LCORL: variants seen among roughly 807,000 people sequenced by gnomAD.
LCORL encodes ligand dependent nuclear receptor corepressor like.
In LCORL, 41 loss-of-function variants were observed where a neutral mutation model predicts 141.8. The observed-to-expected ratio is 0.29, with a 90% CI of 0.23 to 0.38. The LOEUF is 0.38. Ranked by LOEUF, LCORL falls within the 10% of genes least tolerant of loss-of-function variation. The pLI, the probability that LCORL is intolerant of heterozygous loss-of-function variation, is 1.00. For synonymous variants in LCORL, 618 were observed against 694.1 expected (o/e 0.89, Z 1.72); for missense variants, 1,759 against 2,035.0 (o/e 0.86, Z 2.61).
At chr4:17,871,251 AAG>A (rs1726303074) in intron 7 of LCORL, among the ~76,000 whole-genome samples, 1 of 151,956 alleles carries the variant, frequency 6.6e-6, no homozygotes, top group Non-Finnish European at 1.5e-5. Flanking sequence ...ACTAAAAAAA[AAG>A]AATGTTAAAA....
At chr4:17,933,349 T>C (rs1285312575) in intron 4 of LCORL, among the ~76,000 whole-genome samples, 1 of 152,134 alleles carries the variant, frequency 6.6e-6, no homozygotes, top group East Asian at 1.9e-4. Context: ...AGCACTGTTC[T>C]AGCAACAACT....
chr4:17,993,039 G>A (rs1247214897), intron 1 of LCORL, among the ~76,000 whole-genome samples: 3 of 152,002 alleles, frequency 2.0e-5, no homozygotes, highest in Non-Finnish European at 4.4e-5. Context: ...AACAAGGAAC[G>A]GCACATTACA....
intron 4 of LCORL, among the ~76,000 whole-genome samples, chr4:17,920,040 A>T (rs1734045335): frequency 6.6e-6 from 1 of 152,230 alleles, no homozygotes; most frequent in South Asian, 2.1e-4. Context: ...GCATCTCTTC[A>T]TCGGTATCCT....
chr4:17,855,821 A>G (rs138554453), intron 7 of LCORL, among the ~76,000 whole-genome samples: 2 of 152,304 alleles, frequency 1.3e-5, no homozygotes, highest in Non-Finnish European at 2.9e-5. Context: ...CCACAGACTC[A>G]TGAATGAAAT....
chr4:17,919,325 G>A (rs1337445563), intron 4 of LCORL, among the ~76,000 whole-genome samples: 1 of 152,120 alleles, frequency 6.6e-6, no homozygotes, highest in Non-Finnish European at 1.5e-5. Context: ...GATATTTAGA[G>A]AGAAATTAAT....
chr4:17,883,659 TACACACAC>T, intron 6 of LCORL: 1 of 1,433,850 alleles, frequency 7.0e-7, no homozygotes, highest in Non-Finnish European at 9.1e-7. Flanking sequence ...CCTGTGCACA[TACACACAC>T]ACGCAAACAC....
intron 7 of LCORL, among the ~76,000 whole-genome samples, chr4:17,853,200 T>C (rs1212502749): frequency 6.6e-6 from 1 of 152,106 alleles, no homozygotes; most frequent in Non-Finnish European, 1.5e-5. Context: ...TACTGCATAC[T>C]AACTCTTGGA....
At chr4:17,983,728 C>T (rs991656524) in intron 1 of LCORL, among the ~76,000 whole-genome samples, 3 of 152,020 alleles carry the variant, frequency 2.0e-5, no homozygotes, top group Admixed American at 1.3e-4. Flanking sequence ...TATAGTTTGA[C>T]TTCCTCTTTT....
chr4:17,946,997 T>C (rs1738984726), intron 4 of LCORL, among the ~76,000 whole-genome samples: 1 of 152,014 alleles, frequency 6.6e-6, no homozygotes, highest in African/African-American at 2.4e-5. Context: ...GATCCAACAA[T>C]CCCACTTCCG....
At chr4:17,989,986 T>C (rs1250263969) in intron 1 of LCORL, among the ~76,000 whole-genome samples, 1 of 152,138 alleles carries the variant, frequency 6.6e-6, no homozygotes, top group African/African-American at 2.4e-5. Flanking sequence ...AGAGGCCACA[T>C]TTATTACTTA....
Position 17,880,899 on chromosome 4 carries a change from G to A in LCORL, c.777-2686C>T. On this transcript the variant is annotated intron_variant, in intron 6 of 7. Transcript: ENST00000635767. ...GATTTATGCATAAATATAACTAATT[G>A]CCTAACAATCAGTTTATATTAACAA... The A allele has an allele frequency of 4.4e-6, 4 of 912,120 alleles. 1 individual carries two copies. Among genetic ancestry groups the A allele is most frequent in the South Asian group, 1.0e-4 (2 of 19,826 alleles). The allele number at this position is 912,120 out of a possible 1,614,324, so 56.5% of individuals were successfully genotyped here.
At chr4:17,913,691 T>C (rs1309863520) in intron 4 of LCORL, among the ~76,000 whole-genome samples, 6 of 152,220 alleles carry the variant, frequency 3.9e-5, no homozygotes, top group Admixed American at 2.6e-4. Context: ...ACAAGGGCAA[T>C]ATGGCAAGAG....
At chr4:18,005,000 C>A (rs1333710678) in intron 1 of LCORL, among the ~76,000 whole-genome samples, 2 of 152,022 alleles carry the variant, frequency 1.3e-5, no homozygotes, top group Non-Finnish European at 2.9e-5. Context: ...TCACTGCAAC[C>A]TCCACCTCCT....
At chr4:17,858,113 A>C (rs1390772614) in intron 7 of LCORL, among the ~76,000 whole-genome samples, 1 of 152,230 alleles carries the variant, frequency 6.6e-6, no homozygotes, top group Non-Finnish European at 1.5e-5. Flanking sequence ...ACACTTCATA[A>C]GTTCAAGAAG....
intron 4 of LCORL, among the ~76,000 whole-genome samples, chr4:17,929,396 T>C (rs1735650365): frequency 6.6e-6 from 1 of 152,084 alleles, no homozygotes; most frequent in Non-Finnish European, 1.5e-5. Flanking sequence ...AATACAATAG[T>C]CAAGACTAGG....
At chr4:17,933,430 A>C (rs1736366108) in intron 4 of LCORL, among the ~76,000 whole-genome samples, 1 of 151,742 alleles carries the variant, frequency 6.6e-6, no homozygotes, top group Non-Finnish European at 1.5e-5. Context: ...TTCTCCAAAG[A>C]CTCTATATTT....
chr4:18,011,541 A>C (rs1392211595), intron 1 of LCORL, among the ~76,000 whole-genome samples: 1 of 152,144 alleles, frequency 6.6e-6, no homozygotes, highest in Non-Finnish European at 1.5e-5. Flanking sequence ...ATGGCACTGT[A>C]ATGCTAAATA....
At chr4:17,847,255 C>G (rs1723042444) in intron 7 of LCORL, among the ~76,000 whole-genome samples, 1 of 152,196 alleles carries the variant, frequency 6.6e-6, no homozygotes, top group African/African-American at 2.4e-5. Context: ...CCTAAACTTC[C>G]TCCAACTGTA....
At chr4:17,987,902 C>G (rs146692227) in intron 1 of LCORL, among the ~76,000 whole-genome samples, 1 of 152,292 alleles carries the variant, frequency 6.6e-6, no homozygotes, top group East Asian at 1.9e-4. Context: ...ATTCACCCAT[C>G]TGCAAATATT....
Sources: gnomAD v4.1 joint callset for allele counts (sites outside exome capture counted in the v4.1 genomes callset) on GRCh38, gnomAD v4.1.1 for gene constraint, MANE v1.5 for transcripts, NCBI Gene and HGNC (gene_info 2026-07-23, HGNC 2026-07-21) for gene names.